Variants in BRAP observed in about 807,000 individuals in gnomAD.
BRAP encodes BRCA1 associated protein, also known as BRCA1-associated protein.
BRAP carries 42 observed loss-of-function variants against 73.4 expected under a neutral mutation model. The ratio of observed to expected loss-of-function variants is 0.57; its 90% CI spans 0.45 to 0.74. The LOEUF (loss-of-function observed/expected upper bound fraction) is 0.74. Ranked by LOEUF, BRAP falls within the 30% of genes least tolerant of loss-of-function variation. BRAP has a pLI of 0.00. For missense variants in BRAP, 593 were observed against 751.4 expected (o/e 0.79, Z 2.46); for synonymous variants, 255 against 267.4 (o/e 0.95, Z 0.45).
At chr12:111,659,514 C>T (rs557687059) in intron 7 of BRAP, among the ~76,000 whole-genome samples, 169 bp from the exon 8 acceptor site, 4 of 152,266 alleles carry the variant, frequency 2.6e-5, no homozygotes, top group South Asian at 4.1e-4. Context: ...ATTAGCTGGG[C>T]GTGGTGGCAG....
chr12:111,675,214 T>C (rs1703302602), intron 4 of BRAP, among the ~76,000 whole-genome samples: 1 of 151,576 alleles, frequency 6.6e-6, no homozygotes. Flanking sequence ...TGAGCCGAGA[T>C]CGTGCCACTG....
intron 5 of BRAP, among the ~76,000 whole-genome samples, chr12:111,671,860 A>AT (rs1191419049): frequency 2.6e-5 from 4 of 151,502 alleles, no homozygotes; most frequent in African/African-American, 9.7e-5. Context: ...TAATTTTTGT[A>AT]TTTTTTGTAG....
At chr12:111,679,520 G>C (rs1223178063) in intron 3 of BRAP, among the ~76,000 whole-genome samples, 180 bp from the exon 4 acceptor site, 1 of 151,958 alleles carries the variant, frequency 6.6e-6, no homozygotes, top group East Asian at 1.9e-4. Flanking sequence ...CATTTATTAC[G>C]GTTATAAATC....
At chr12:111,673,510 G>A (rs140872318) in intron 4 of BRAP, among the ~76,000 whole-genome samples, 10,029 of 113,794 alleles carry the variant, frequency 0.088, no homozygotes, top group Non-Finnish European at 0.1. Context: ...ATCTCAAAAA[G>A]AAAAAAAAAA....
intron 4 of BRAP, chr12:111,673,023 T>A (rs1887238402): frequency 2.4e-6 from 1 of 412,092 alleles, no homozygotes; most frequent in Admixed American, 4.2e-5. Flanking sequence ...TGGCAGAAGG[T>A]ACTGAAGTGC....
intron 5 of BRAP, among the ~76,000 whole-genome samples, chr12:111,667,792 G>A (rs1378226827): frequency 6.6e-6 from 1 of 151,228 alleles, no homozygotes; most frequent in Non-Finnish European, 1.5e-5. Flanking sequence ...TATATGTGGT[G>A]AGATTCCAAA....
chr12:111,667,713 A>AAAAAAAAAAAAAAAAAAAAAAAAAAC, intron 5 of BRAP, among the ~76,000 whole-genome samples: 1 of 146,218 alleles, frequency 6.8e-6, no homozygotes, highest in Admixed American at 6.8e-5. Context: ...AAAAAAAAAA[A>AAAAAAAAAAAAAAAAAAAAAAAAAAC]AAAAAAAAGC....
At chr12:111,682,676 C>T (rs183873335) in intron 2 of BRAP, among the ~76,000 whole-genome samples, 8 of 152,062 alleles carry the variant, frequency 5.3e-5, no homozygotes, top group African/African-American at 1.4e-4. Flanking sequence ...CTTTGGGAGG[C>T]CGAGGCAGGT....
intron 6 of BRAP, among the ~76,000 whole-genome samples, chr12:111,662,388 T>C (rs914938246): frequency 3.3e-5 from 5 of 152,036 alleles, no homozygotes; most frequent in African/African-American, 1.2e-4. Context: ...CTGTCTCTAC[T>C]AAAAATACAA....
rs553478978 is a variant in BRAP at position 111,646,792 on chromosome 12, C to A, written c.1416-2230G>T. On this transcript the variant is annotated intron_variant, in intron 11 of 11. Coordinates refer to ENST00000419234, the MANE Select transcript of BRAP (RefSeq NM_006768.5). ...CGTCTCAAAAATAAATAAATAAAAA[C>A]AAAAAATTTGCATGCCCTTTGACAC... Among the ~76,000 whole-genome samples, 18 of 152,102 alleles carry A rather than the reference C, an allele frequency of 1.2e-4. No individual in the cohort carries two copies. The South Asian group carries it at 3.7e-3, about 32-fold the overall frequency.
chr12:111,655,430 C>A, intron 10 of BRAP, 136 bp downstream of exon 10: 1 of 581,366 alleles, frequency 1.7e-6, no homozygotes, highest in Non-Finnish European at 2.9e-6. Context: ...AGTGGCAAAA[C>A]AGTTCTCCAC....
At chr12:111,679,672 G>A (rs1184437107) in intron 3 of BRAP, among the ~76,000 whole-genome samples, 3 of 151,720 alleles carry the variant, frequency 2.0e-5, no homozygotes, top group Non-Finnish European at 2.9e-5. Context: ...TCAGGAGATC[G>A]AGACCATCCT....
At chr12:111,663,010 T>A (rs2135910891) in intron 6 of BRAP, among the ~76,000 whole-genome samples, 1 of 151,176 alleles carries the variant, frequency 6.6e-6, no homozygotes. Context: ...TTCTGAAATC[T>A]AATTCTCTAC....
chr12:111,658,155 C>G (rs1184550920), intron 9 of BRAP, among the ~76,000 whole-genome samples: 1 of 151,944 alleles, frequency 6.6e-6, no homozygotes, highest in African/African-American at 2.4e-5. Context: ...GTCTTGAACT[C>G]CTGATCTCAG....
chr12:111,683,137 A>G lies in BRAP; in HGVS notation c.244+9T>C, dbSNP rs1887667164. On this transcript the variant is annotated intron_variant, in intron 2 of 11. Transcript: ENST00000419234. ...TACAAAAGAGAGTCCAGGGTTTTAGAAAGCATACCTGGGTTGGACTTCATG... is the reference window on the plus strand; with the variant it reads ...TACAAAAGAGAGTCCAGGGTTTTAGGAAGCATACCTGGGTTGGACTTCATG... The G allele has an allele frequency of 1.2e-6, 2 of 1,610,964 alleles. No individual in the cohort carries two copies. The highest frequency in any genetic ancestry group is 1.7e-6 in the Non-Finnish European group (2 of 1,178,976).
In BRAP at chr12:111,655,787, G is replaced by C. The variant is rs1192473399; in HGVS notation, c.1222-132C>G. On this transcript the variant is annotated intron_variant, in intron 9 of 11. Coordinates refer to ENST00000419234, the MANE Select transcript of BRAP (RefSeq NM_006768.5). The stretch of plus-strand genomic sequence containing the variant: ...CAACAGAATGTATATTTACGCCCTG[G>C]TTCTACTCTACTCAATATATACTGG... 5.7e-6 allele frequency: 4 copies of C among 696,750 alleles called. No individual in the cohort carries two copies. The African/African-American group carries it at 7.1e-5, about 12-fold the overall frequency. The allele number at this position is 696,750 out of a possible 1,614,324, so 43.2% of individuals were successfully genotyped here. A position where few individuals can be genotyped will look rare whatever the true frequency, so the allele number is the denominator to read the frequency against.
chr12:111,656,549 T>C (rs1301486587), intron 9 of BRAP, among the ~76,000 whole-genome samples: 2 of 152,082 alleles, frequency 1.3e-5, no homozygotes, highest in African/African-American at 2.4e-5. Context: ...AGGTCACATC[T>C]CCATTTTGGA....
At chr12:111,646,263 C>T (rs778336975) in intron 11 of BRAP, among the ~76,000 whole-genome samples, 2 of 150,734 alleles carry the variant, frequency 1.3e-5, no homozygotes, top group Non-Finnish European at 3.0e-5. Flanking sequence ...TCCAGCCTGT[C>T]TGACAGAGTA....
intron 10 of BRAP, among the ~76,000 whole-genome samples, chr12:111,653,303 C>T (rs1042107710): frequency 2.6e-5 from 4 of 151,950 alleles, no homozygotes; most frequent in African/African-American, 9.7e-5. Context: ...TGTACTACAT[C>T]CTAATATTTA....
Sources: allele counts gnomAD v4.1 joint callset (sites outside exome capture counted in the v4.1 genomes callset), GRCh38; gene constraint gnomAD v4.1.1; transcripts MANE v1.5; gene names NCBI Gene and HGNC (gene_info 2026-07-23, HGNC 2026-07-21).